The following PTPRG variants were observed in gnomAD, a reference collection of about 807,000 sequenced individuals.
PTPRG encodes receptor-type tyrosine-protein phosphatase gamma.
A neutral mutation model predicts 165.3 loss-of-function variants in PTPRG; 102 were observed. The observed-to-expected ratio is 0.62, with a 90% CI of 0.53 to 0.73. The LOEUF (loss-of-function observed/expected upper bound fraction) is 0.73, where lower values mean the gene tolerates loss of function less well. Among genes scored for constraint, PTPRG ranks in the 30% least tolerant of loss-of-function variants. PTPRG has a pLI of 0.00. For missense variants in PTPRG, 1,866 were observed against 1,861.4 expected (o/e 1.00, Z -0.05); for synonymous variants, 675 against 669.5 (o/e 1.01, Z -0.13).
chr3:61,635,450 A>C lies in PTPRG; in HGVS notation c.85+73078A>C, dbSNP rs57830537. On this transcript the variant is annotated intron_variant, in intron 1 of 29. Coordinates refer to ENST00000474889, the MANE Select transcript of PTPRG (RefSeq NM_002841.4). ...CAGCTCACTGCAACCTTGGCCTCCC[A>C]GGTTCAAGTGATCCTCCTATCTCAG... Among the ~76,000 whole-genome samples the C allele has an allele frequency of 9.1e-3, 1,384 of 151,716 alleles. 21 individuals carry two copies. Among genetic ancestry groups the C allele is most frequent in the African/African-American group, 0.032 (1,317 of 41,378 alleles).
At chr3:61,951,502 G>C (rs1178845927) in intron 2 of PTPRG, among the ~76,000 whole-genome samples, 1 of 152,116 alleles carries the variant, frequency 6.6e-6, no homozygotes, top group Non-Finnish European at 1.5e-5. Context: ...TTCTTTGTAT[G>C]GTTCTAAGAA....
intron 5 of PTPRG, among the ~76,000 whole-genome samples, chr3:62,113,939 T>C (rs1186978042): frequency 6.6e-6 from 1 of 152,232 alleles, no homozygotes; most frequent in African/African-American, 2.4e-5. Context: ...TAAAAAATAC[T>C]GATATGTTGT....
At chr3:61,981,289 AATTTAAGATGAC>A (rs1183589878) in intron 2 of PTPRG, among the ~76,000 whole-genome samples, 4 of 152,206 alleles carry the variant, frequency 2.6e-5, no homozygotes, top group African/African-American at 4.8e-5. Flanking sequence ...TGGGAACTAC[AATTTAAGATGAC>A]ATTTGGATGG....
chr3:62,097,066 A>G (rs779165685), intron 5 of PTPRG, among the ~76,000 whole-genome samples: 3 of 151,016 alleles, frequency 2.0e-5, no homozygotes, highest in East Asian at 1.9e-4. Context: ...ACTGTCAGAA[A>G]CACAAAGACA....
intron 2 of PTPRG, among the ~76,000 whole-genome samples, chr3:61,950,922 A>G (rs558502295): frequency 1.3e-5 from 2 of 152,340 alleles, no homozygotes; most frequent in South Asian, 2.1e-4. Context: ...CAGTAATCCT[A>G]TGTCCTGTCA....
intron 13 of PTPRG, among the ~76,000 whole-genome samples, chr3:62,226,539 G>A (rs1700767773): frequency 6.6e-6 from 1 of 152,170 alleles, no homozygotes; most frequent in Non-Finnish European, 1.5e-5. Context: ...ATCAGTGCTA[G>A]TTTTCTTGAT....
At chr3:61,589,233 A>G (rs1406094229) in intron 1 of PTPRG, among the ~76,000 whole-genome samples, 2 of 152,216 alleles carry the variant, frequency 1.3e-5, no homozygotes, top group African/African-American at 2.4e-5. Context: ...GAACAGCACC[A>G]CAATGGAAGA....
rs117545586 is a variant in PTPRG at position 62,115,606 on chromosome 3, G to A, written c.616-16996G>A. ...ATTTCAACTTATAGAGTATAACTGT[G>A]TCAGGCACCATATAGATTGATCCAA... On this transcript the variant is annotated intron_variant, in intron 5 of 29. Coordinates refer to ENST00000474889, the MANE Select transcript of PTPRG (RefSeq NM_002841.4). Among the ~76,000 whole-genome samples, 224 of 151,102 alleles carry A rather than the reference G, an allele frequency of 1.5e-3. 3 individuals carry two copies. Among genetic ancestry groups the A allele is most frequent in the South Asian group, 0.012 (55 of 4,780 alleles).
intron 1 of PTPRG, among the ~76,000 whole-genome samples, chr3:61,713,461 G>T (rs1189204298): frequency 6.6e-6 from 1 of 151,820 alleles, no homozygotes; most frequent in African/African-American, 2.4e-5. Context: ...ATGAGCCACT[G>T]CACCCGGGCT....
At chr3:61,726,918 G>A (rs1222706359) in intron 1 of PTPRG, among the ~76,000 whole-genome samples, 1 of 152,086 alleles carries the variant, frequency 6.6e-6, no homozygotes, top group African/African-American at 2.4e-5. Flanking sequence ...ATGGTGGCGG[G>A]CGTCTGTAGG....
In PTPRG at chr3:61,600,980, T is replaced by C. The variant is rs193174782; in HGVS notation, c.85+38608T>C. 4.5e-3 allele frequency among the ~76,000 whole-genome samples: 693 copies of C among 152,352 alleles called. 8 individuals carry two copies. The highest frequency in any genetic ancestry group is 0.015 in the African/African-American group (641 of 41,592). On this transcript the variant is annotated intron_variant, in intron 1 of 29. Transcript: ENST00000474889. ...TTAAAAAGAGCTTTTTTGGGCCAGATGTGGTGGCTCACGCCTGTGACCCCA... is the reference window on the plus strand; with the variant it reads ...TTAAAAAGAGCTTTTTTGGGCCAGACGTGGTGGCTCACGCCTGTGACCCCA...
At chr3:62,066,019 G>C (rs1575958314) in intron 4 of PTPRG, among the ~76,000 whole-genome samples, 2 of 152,138 alleles carry the variant, frequency 1.3e-5, no homozygotes, top group Admixed American at 1.3e-4. Context: ...GTAGCATTCA[G>C]CTGTATAGTG....
chr3:62,088,807 G>A (rs968776441), intron 5 of PTPRG, among the ~76,000 whole-genome samples: 5 of 152,334 alleles, frequency 3.3e-5, no homozygotes, highest in Admixed American at 3.3e-4. Flanking sequence ...GTAAATTACA[G>A]CACTACACAG....
intron 2 of PTPRG, among the ~76,000 whole-genome samples, 194 bp from the exon 3 acceptor site, chr3:61,989,431 A>C (rs1439876114): frequency 6.6e-6 from 1 of 152,242 alleles, no homozygotes; most frequent in Non-Finnish European, 1.5e-5. Flanking sequence ...AAGAAGCAAA[A>C]CTAACTTAAG....
At chr3:61,689,295 G>A (rs1312228423) in intron 1 of PTPRG, among the ~76,000 whole-genome samples, 1 of 152,242 alleles carries the variant, frequency 6.6e-6, no homozygotes, top group Non-Finnish European at 1.5e-5. Flanking sequence ...TTGAAGCTAT[G>A]TGTATACATT....
intron 2 of PTPRG, among the ~76,000 whole-genome samples, chr3:61,876,069 C>A (rs2037731475): frequency 6.6e-6 from 1 of 152,218 alleles, no homozygotes; most frequent in South Asian, 2.1e-4. Context: ...AGCCCAATAT[C>A]AGTCAGTGAA....
chr3:61,780,486 C>A (rs2034514556), intron 2 of PTPRG, among the ~76,000 whole-genome samples: 1 of 152,152 alleles, frequency 6.6e-6, no homozygotes, highest in Non-Finnish European at 1.5e-5. Flanking sequence ...TTTTAACATC[C>A]TTGGATTCGT....
chr3:62,151,758 G>A (rs1048458293), intron 6 of PTPRG, among the ~76,000 whole-genome samples: 1 of 151,942 alleles, frequency 6.6e-6, no homozygotes, highest in African/African-American at 2.4e-5. Flanking sequence ...GATAAAAGTT[G>A]GAGGCAGAAT....
At position 61,738,320 on chromosome 3, in the gene PTPRG, A is replaced by G. The variant is rs1285339637; in HGVS notation, c.86-10558A>G. On this transcript the variant is annotated intron_variant, in intron 1 of 29. Transcript: ENST00000474889. ...TATATATATATATATATACATATATATATATATATATATATATGTATATAT... is the reference window on the plus strand; with the variant it reads ...TATATATATATATATATACATATATGTATATATATATATATATGTATATAT... Among the ~76,000 whole-genome samples the G allele has an allele frequency of 4.8e-3, 441 of 91,218 alleles. 36 individuals carry two copies. Among genetic ancestry groups the G allele is most frequent in the African/African-American group, 6.0e-3 (154 of 25,794 alleles). 59.8% of individuals were successfully genotyped at this position (91,218 alleles called of 152,430 possible). A position where few individuals can be genotyped will look rare whatever the true frequency, so the allele number is the denominator to read the frequency against.
Sources: gnomAD v4.1 joint callset for allele counts (sites outside exome capture counted in the v4.1 genomes callset) on GRCh38, gnomAD v4.1.1 for gene constraint, MANE v1.5 for transcripts, NCBI Gene and HGNC (gene_info 2026-07-23, HGNC 2026-07-21) for gene names.